The following AGMO variants were observed in gnomAD, a reference collection of about 807,000 sequenced individuals.
AGMO encodes alkylglycerol monooxygenase, also known as glyceryl-ether monooxygenase.
Under a neutral mutation model 60.2 loss-of-function variants are expected in AGMO, and 75 were observed. That is an observed-to-expected ratio of 1.25 (90% CI 1.03 to 1.51). The LOEUF (loss-of-function observed/expected upper bound fraction) is 1.51. Among genes scored for constraint, AGMO ranks in the 40% most tolerant of loss-of-function variants. The pLI is 0.00. For synonymous variants in AGMO, 261 were observed against 177.1 expected (o/e 1.47, Z -3.76); for missense variants, 763 against 525.5 (o/e 1.45, Z -4.42).
chr7:15,215,945 G>A (rs372580887), intron 12 of AGMO, among the ~76,000 whole-genome samples: 5 of 151,914 alleles, frequency 3.3e-5, no homozygotes, highest in Admixed American at 1.3e-4. Flanking sequence ...AACCCGTATC[G>A]GCTTCACAGT....
chr7:15,281,112 C>T (rs1780032113), intron 12 of AGMO, among the ~76,000 whole-genome samples: 1 of 152,034 alleles, frequency 6.6e-6, no homozygotes, highest in African/African-American at 2.4e-5. Flanking sequence ...CCCCATGGGA[C>T]AAAAGAATCC....
intron 3 of AGMO, among the ~76,000 whole-genome samples, chr7:15,529,445 A>T (rs886639642): frequency 2.1e-5 from 3 of 146,106 alleles, no homozygotes; most frequent in African/African-American, 7.5e-5. Context: ...CAACATCAAC[A>T]AAAAAAACAA....
chr7:15,223,412 A>G (rs559969721), intron 12 of AGMO, among the ~76,000 whole-genome samples: 2 of 152,120 alleles, frequency 1.3e-5, no homozygotes, highest in East Asian at 3.9e-4. Context: ...TACAATTTTC[A>G]GAACAAAGTG....
At chr7:15,415,945 G>T (rs1032153545) in intron 5 of AGMO, among the ~76,000 whole-genome samples, 3 of 150,882 alleles carry the variant, frequency 2.0e-5, no homozygotes, top group Non-Finnish European at 2.9e-5. Context: ...CAACAGAGTA[G>T]AGTTTCAAGC....
chr7:15,345,641 ATGT>A (rs1337495698), intron 12 of AGMO, among the ~76,000 whole-genome samples: 1 of 152,174 alleles, frequency 6.6e-6, no homozygotes, highest in Non-Finnish European at 1.5e-5. Flanking sequence ...CTTGGTACTG[ATGT>A]TGTTGTTAGC....
chr7:15,474,831 G>T (rs1782550512), intron 3 of AGMO, among the ~76,000 whole-genome samples: 1 of 151,032 alleles, frequency 6.6e-6, no homozygotes, highest in Non-Finnish European at 1.5e-5. Flanking sequence ...AATGTACAAA[G>T]AACTTAGACA....
intron 10 of AGMO, among the ~76,000 whole-genome samples, chr7:15,382,142 C>T (rs1297466425): frequency 1.3e-5 from 2 of 152,100 alleles, no homozygotes; most frequent in Non-Finnish European, 2.9e-5. Flanking sequence ...TGTAACAAAA[C>T]TGCACATGTA....
intron 5 of AGMO, among the ~76,000 whole-genome samples, chr7:15,397,282 C>G (rs142711982): frequency 0.1 from 15,324 of 151,882 alleles, 1,002 homozygotes; most frequent in South Asian, 0.17. Context: ...CAGCAGGCGC[C>G]GGCTGGCCGC....
At chr7:15,440,943 G>A (rs1228739602) in intron 3 of AGMO, among the ~76,000 whole-genome samples, 3 of 152,142 alleles carry the variant, frequency 2.0e-5, no homozygotes, top group African/African-American at 7.2e-5. Context: ...TTTGTGTGCT[G>A]CTAATGGCCA....
chr7:15,387,248 T>C lies in AGMO; in HGVS notation c.957+158A>G, dbSNP rs912104662. Among the ~76,000 whole-genome samples the C allele has an allele frequency of 3.3e-5, 5 of 152,226 alleles. 1 individual carries two copies. The highest frequency in any genetic ancestry group is 4.1e-4 in the South Asian group (2 of 4,828). ...ACTCCTTTAATTGGCACAAAGTTGG[T>C]GGATACTCATTAAGTAAGTTATGCA... On this transcript the variant is annotated intron_variant, in intron 9 of 12. Coordinates refer to ENST00000342526, the MANE Select transcript of AGMO (RefSeq NM_001004320.2).
chr7:15,528,960 A>C (rs1241790582), intron 3 of AGMO, among the ~76,000 whole-genome samples: 1 of 152,062 alleles, frequency 6.6e-6, no homozygotes. Context: ...CCATTATTAC[A>C]AGACAACTCT....
chr7:15,452,021 G>A (rs1781867957), intron 3 of AGMO, among the ~76,000 whole-genome samples: 1 of 152,154 alleles, frequency 6.6e-6, no homozygotes, highest in South Asian at 2.1e-4. Flanking sequence ...TTTCAATCTT[G>A]TCTACCTATT....
At chr7:15,140,777 G>A in the AGMO span, among the ~76,000 whole-genome samples, 1 of 151,560 alleles carries the variant, frequency 6.6e-6, no homozygotes, top group Non-Finnish European at 1.5e-5. Context: ...TTTGCTAATT[G>A]TTCCTTTCTA....
chr7:15,198,653 G>T (rs1781198111), downstream of AGMO, among the ~76,000 whole-genome samples: 1 of 152,100 alleles, frequency 6.6e-6, no homozygotes, highest in African/African-American at 2.4e-5. Flanking sequence ...GGATAATTTG[G>T]TGGGTAGGGG....
At chr7:15,556,219 G>GTTTTTTTTTTT (rs71004394) in intron 2 of AGMO, among the ~76,000 whole-genome samples, 1 of 91,490 alleles carries the variant, frequency 1.1e-5, no homozygotes, top group Admixed American at 1.2e-4. Flanking sequence ...CTCCTTTTTA[G>GTTTTTTTTTTT]TTTTTTTTTT....
intron 12 of AGMO, among the ~76,000 whole-genome samples, chr7:15,202,075 T>C (rs1781304817): frequency 6.6e-6 from 1 of 152,026 alleles, no homozygotes; most frequent in Non-Finnish European, 1.5e-5. Context: ...CTGATCACCA[T>C]TTTAGGTGGT....
chr7:15,322,707 TATATATAA>T lies in AGMO; in HGVS notation c.1263+42799_1263+42806del, dbSNP rs1213589317. 2.0e-3 allele frequency among the ~76,000 whole-genome samples: 90 copies of T among 44,428 alleles called. 18 individuals carry two copies. Among genetic ancestry groups the T allele is most frequent in the East Asian group, 2.6e-3 (5 of 1,922 alleles). 29.1% of individuals were successfully genotyped at this position (44,428 alleles called of 152,430 possible). A position where few individuals can be genotyped will look rare whatever the true frequency, so the allele number is the denominator to read the frequency against. The stretch of plus-strand genomic sequence containing the variant: ...ATATAAATATATGAATATGTATAAA[TATATATAA>T]ATATATAAATATATATATAAATATA... On this transcript the variant is annotated intron_variant, in intron 12 of 12. Transcript: ENST00000342526.
chr7:15,489,689 T>C (rs1485671010), intron 3 of AGMO, among the ~76,000 whole-genome samples: 1 of 152,212 alleles, frequency 6.6e-6, no homozygotes, highest in Non-Finnish European at 1.5e-5. Flanking sequence ...AAGTCCCCAG[T>C]TGAAATGAGT....
In AGMO at chr7:15,263,884, A is replaced by G. The variant is rs138592692; in HGVS notation, c.1264-62525T>C. On this transcript the variant is annotated intron_variant, in intron 12 of 12. Coordinates refer to ENST00000342526, the MANE Select transcript of AGMO (RefSeq NM_001004320.2). ...TCTATGAGGATGCAAAGGCATAAAA[A>G]TGATACATTAGACTTTGAAGACTCA... Among the ~76,000 whole-genome samples, 80 of 152,240 alleles carry G rather than the reference A, an allele frequency of 5.3e-4. No homozygotes were observed. In the East Asian group the frequency reaches 0.012, roughly 23 times the overall value.
Sources: allele counts gnomAD v4.1 joint callset (sites outside exome capture counted in the v4.1 genomes callset), GRCh38; gene constraint gnomAD v4.1.1; transcripts MANE v1.5; gene names NCBI Gene and HGNC (gene_info 2026-07-23, HGNC 2026-07-21).